RGS7: variants seen among roughly 807,000 people sequenced by gnomAD.
RGS7 encodes the protein regulator of G-protein signaling 7.
Under a neutral mutation model 81.1 loss-of-function variants are expected in RGS7, and 27 were observed. The observed-to-expected ratio is 0.33, with a 90% confidence interval of 0.25 to 0.46. RGS7 has a LOEUF of 0.46. Ranked by LOEUF, RGS7 falls within the 20% of genes least tolerant of loss-of-function variation. The pLI is 1.00. For synonymous variants in RGS7, 208 were observed against 207.7 expected (o/e 1.00, Z -0.01); for missense variants, 396 against 607.4 (o/e 0.65, Z 3.66).
intron 3 of RGS7, among the ~76,000 whole-genome samples, chr1:241,032,342 T>C (rs1220302466): frequency 6.6e-6 from 1 of 152,228 alleles, no homozygotes; most frequent in African/African-American, 2.4e-5. Context: ...ATGTGTCTAT[T>C]TTTATACCAG....
chr1:241,259,650 C>CAAAAAAAA (rs71571832), intron 2 of RGS7, among the ~76,000 whole-genome samples: 24 of 39,902 alleles, frequency 6.0e-4, no homozygotes, highest in South Asian at 2.2e-3. Flanking sequence ...AACTCCGTCT[C>CAAAAAAAA]AAAAAAAAAA....
intron 2 of RGS7, among the ~76,000 whole-genome samples, chr1:241,150,257 T>C (rs2068650220): frequency 6.6e-6 from 1 of 152,240 alleles, no homozygotes; most frequent in African/African-American, 2.4e-5. Flanking sequence ...TTTGGTGCGG[T>C]ATTTAACCCA....
chr1:240,966,482 C>A (rs551485634), intron 4 of RGS7, among the ~76,000 whole-genome samples: 3 of 152,086 alleles, frequency 2.0e-5, no homozygotes, highest in East Asian at 3.9e-4. Context: ...CTTGTTATGG[C>A]CTTGCTGTTC....
chr1:241,029,233 A>G (rs2059947203), intron 3 of RGS7, among the ~76,000 whole-genome samples: 1 of 152,184 alleles, frequency 6.6e-6, no homozygotes, highest in African/African-American at 2.4e-5. Flanking sequence ...GGGGGAGGGA[A>G]GTAGCCATCT....
chr1:241,235,950 G>A (rs2075949589), intron 2 of RGS7, among the ~76,000 whole-genome samples: 1 of 143,450 alleles, frequency 7.0e-6, no homozygotes. Flanking sequence ...GACAGAGACA[G>A]AGGAGAGGAG....
intron 2 of RGS7, among the ~76,000 whole-genome samples, chr1:241,331,970 G>C (rs2082001810): frequency 6.6e-6 from 1 of 152,192 alleles, no homozygotes; most frequent in Admixed American, 6.5e-5. Flanking sequence ...TGGACTAAGA[G>C]AACAATCGAG....
At chr1:241,109,727 G>A (rs1027910517) in intron 2 of RGS7, among the ~76,000 whole-genome samples, 1 of 152,106 alleles carries the variant, frequency 6.6e-6, no homozygotes, top group Admixed American at 6.6e-5. Context: ...GGAGGCTGAG[G>A]CAGGTGGATC....
intron 2 of RGS7, among the ~76,000 whole-genome samples, chr1:241,246,547 A>C (rs1879744): frequency 0.41 from 61,816 of 151,886 alleles, 12,761 homozygotes; most frequent in East Asian, 0.48. Context: ...AAAACTGAAG[A>C]TGAAAAGAAC....
At chr1:241,036,330 T>C (rs1005981592) in intron 3 of RGS7, among the ~76,000 whole-genome samples, 2 of 152,230 alleles carry the variant, frequency 1.3e-5, no homozygotes, top group Non-Finnish European at 2.9e-5. Context: ...TATAGAATAG[T>C]TGCATTATCA....
intron 2 of RGS7, among the ~76,000 whole-genome samples, chr1:241,246,392 G>C (rs1418979711): frequency 6.6e-6 from 1 of 152,150 alleles, no homozygotes; most frequent in African/African-American, 2.4e-5. Flanking sequence ...TTGTGAAATT[G>C]AAATCCTGGG....
intron 3 of RGS7, among the ~76,000 whole-genome samples, chr1:240,983,575 C>T (rs569317677): frequency 6.6e-6 from 1 of 152,158 alleles, no homozygotes; most frequent in Non-Finnish European, 1.5e-5. Context: ...AACCCTCTTA[C>T]GTATTTCAAG....
intron 2 of RGS7, among the ~76,000 whole-genome samples, chr1:241,251,869 C>A (rs569034051): frequency 6.6e-6 from 1 of 151,766 alleles, no homozygotes; most frequent in South Asian, 2.1e-4. Flanking sequence ...GAAGGAAATC[C>A]TTTTGCCACT....
chr1:240,826,317 A>C (rs1692826379), intron 10 of RGS7, among the ~76,000 whole-genome samples: 1 of 152,234 alleles, frequency 6.6e-6, no homozygotes, highest in Admixed American at 6.5e-5. Flanking sequence ...GTATGTTTCT[A>C]GGGATGGGAG....
intron 2 of RGS7, among the ~76,000 whole-genome samples, chr1:241,334,634 A>C (rs78633007): frequency 0.028 from 4,228 of 152,276 alleles, 127 homozygotes; most frequent in African/African-American, 0.073. Context: ...AACAGTAGTA[A>C]CCACTCAATT....
chr1:241,147,783 T>TATA (rs2068434112), intron 2 of RGS7, among the ~76,000 whole-genome samples: 1 of 90,532 alleles, frequency 1.1e-5, no homozygotes, highest in African/African-American at 5.6e-5. Context: ...TTAAGTTTTA[T>TATA]ATATATATAT....
chr1:241,224,203 C>G (rs1017574643), intron 2 of RGS7, among the ~76,000 whole-genome samples: 1 of 152,002 alleles, frequency 6.6e-6, no homozygotes, highest in Non-Finnish European at 1.5e-5. Context: ...CCCATCAACT[C>G]GTCACCTACA....
chr1:240,817,097 CT>C (rs969432995), intron 10 of RGS7, among the ~76,000 whole-genome samples: 15 of 152,074 alleles, frequency 9.9e-5, no homozygotes, highest in Admixed American at 2.0e-4. Context: ...TAGGAAGACT[CT>C]TTTTTGAGAA....
In RGS7 at chr1:241,112,507, C is replaced by T. The variant is rs1309963751; in HGVS notation, c.79-13745G>A. 2.0e-5 allele frequency among the ~76,000 whole-genome samples: 3 copies of T among 152,090 alleles called. No individual in the cohort carries two copies. The East Asian group carries it at 5.8e-4, about 29-fold the overall frequency. On this transcript the variant is annotated intron_variant, in intron 2 of 18. Coordinates refer to ENST00000440928, the MANE Select transcript of RGS7 (RefSeq NM_001364886.1). ...AGCACTTTAAAAGGACAAAAGCATC[C>T]TCATGCCAATGAAGAAGATTTATTT... is the stretch of plus-strand genomic sequence containing the variant.
chr1:241,084,986 T>A (rs538230114), intron 3 of RGS7, among the ~76,000 whole-genome samples: 1 of 152,370 alleles, frequency 6.6e-6, no homozygotes, highest in South Asian at 2.1e-4. Context: ...GGGGCCTTTT[T>A]ATTTGATCGC....
Sources: allele counts gnomAD v4.1 joint callset (sites outside exome capture counted in the v4.1 genomes callset), GRCh38; gene constraint gnomAD v4.1.1; transcripts MANE v1.5; gene names NCBI Gene and HGNC (gene_info 2026-07-23, HGNC 2026-07-21).